PCSK4: variants seen among roughly 807,000 people sequenced by gnomAD.
The protein encoded by PCSK4 is testicular tissue protein Li 135.
In PCSK4, 64 loss-of-function variants were observed where a neutral mutation model predicts 80.3. That is an observed-to-expected ratio of 0.80 (90% CI 0.65 to 0.98). PCSK4 has a LOEUF of 0.98. Among genes scored for constraint, PCSK4 ranks in the 50% least tolerant of loss-of-function variants. The pLI is 0.00. For synonymous variants in PCSK4, 561 were observed against 487.6 expected (o/e 1.15, Z -1.98); for missense variants, 1,213 against 1,093.6 (o/e 1.11, Z -1.54).
Position 1,487,317 on chromosome 19 carries a change from C to T in PCSK4, c.683-4G>A, listed in dbSNP as rs749234132. The T allele has an allele frequency of 2.5e-6, 4 of 1,582,894 alleles. No homozygotes were observed. Among genetic ancestry groups the T allele is most frequent in the Admixed American group, 1.7e-5 (1 of 59,120 alleles). On this transcript the variant is annotated splice_polypyrimidine_tract_variant and splice_region_variant and intron_variant, in intron 6 of 14. Transcript: ENST00000300954. ...GTACCGTCCAGCATCCGTACGCCTG[C>T]AGAGCCAGGGCGGGAGGGCCGCTGC... is the stretch of plus-strand genomic sequence containing the variant.
At position 1,489,842 on chromosome 19, in the gene PCSK4, G is replaced by A. The variant is rs1244315586; in HGVS notation, c.245C>T (p.Ser82Phe). The A allele has an allele frequency of 2.8e-5, 45 of 1,611,112 alleles. No individual in the cohort carries two copies. Among genetic ancestry groups the A allele is most frequent in the Non-Finnish European group, 3.8e-5 (45 of 1,179,064 alleles). Residue 82 changes from serine to phenylalanine, a missense_variant, in exon 2 of 15, where the codon TCC (serine) becomes TTC (phenylalanine). Transcript: ENST00000300954. ...GCGGTGGCCCCAGTGCGGGGTCAGG[G>A]ACTGCTGGACCACGCCCCGGTGCCG...
intron 6 of PCSK4, 113 bp downstream of exon 6, chr19:1,487,490 G>A (rs1371569186): frequency 1.9e-6 from 2 of 1,054,704 alleles, no homozygotes; most frequent in African/African-American, 1.6e-5. Flanking sequence ...TGGGGCCCTA[G>A]CACCACCCAG....
At chr19:1,484,426 G>A (rs962057148) in intron 8 of PCSK4, among the ~76,000 whole-genome samples, 1 of 152,044 alleles carries the variant, frequency 6.6e-6, no homozygotes, top group Non-Finnish European at 1.5e-5. Context: ...GGCAGAGGTT[G>A]CAGTGAGCGG....
chr19:1,486,887 G>A lies in PCSK4; in HGVS notation c.1034C>T (p.Thr345Ile), dbSNP rs1429316271. ...GTCGGTGGCCACGCCGCTGCTGTAG[G>A]TGGTGGTGAGGGTGGAGGCGCAGGC... The change falls in exon 8 of 15, where the codon ACC becomes ATC. Residue 345 changes from threonine (T) to isoleucine (I), a missense_variant. Thr to Ile is a moderately conservative substitution (Grantham distance 89, BLOSUM62 -1). Transcript: ENST00000300954. 2 of 1,600,250 alleles carry A rather than the reference G, an allele frequency of 1.2e-6. No individual in the cohort carries two copies. The highest frequency in any genetic ancestry group is 1.7e-5 in the Admixed American group (1 of 59,976).
upstream of PCSK4, chr19:1,490,532 C>G: frequency 2.0e-6 from 1 of 505,774 alleles, no homozygotes; most frequent in Non-Finnish European, 3.5e-6. Flanking sequence ...GGGACGCACG[C>G]CTGCCCGTCT....
At chr19:1,490,298 C>A in exon 1 of PCSK4, 2 of 1,563,108 alleles carry the variant, frequency 1.3e-6, no homozygotes, top group Non-Finnish European at 8.7e-7. Flanking sequence ...CGGACAAGGG[C>A]CAGGGCCAAG....
At chr19:1,482,684 G>A (rs557635299) in intron 13 of PCSK4, 4 of 761,114 alleles carry the variant, frequency 5.3e-6, no homozygotes, top group Non-Finnish European at 8.4e-6. Flanking sequence ...CTGTCACTGG[G>A]CACCTACATC....
Position 1,487,800 on chromosome 19 carries a change from G to A in PCSK4, c.578C>T (p.Pro193Leu), listed in dbSNP as rs760242868. The A allele has an allele frequency of 3.2e-6, 5 of 1,577,410 alleles. No homozygotes were observed. The South Asian group carries it at 4.6e-5, about 15-fold the overall frequency. ...CCCTGCTCACCGGTTCTCTTTGCTG[G>A]GGGTGTAGCGGGGCTGGGGGTCCGG... Residue 193 changes from proline (P) to leucine (L), a missense_variant, in exon 5 of 15, where the codon CCC becomes CTC. Transcript: ENST00000300954.
At chr19:1,482,701 G>A (rs576170016) in intron 13 of PCSK4, 195 bp downstream of exon 13, 6 of 751,348 alleles carry the variant, frequency 8.0e-6, no homozygotes, top group Non-Finnish European at 1.3e-5. Flanking sequence ...CATCTCCCGT[G>A]TTACCGCACA....
chr19:1,482,933 G>C (rs202058018), exon 13 of PCSK4: 8 of 1,613,310 alleles, frequency 5.0e-6, no homozygotes, highest in Admixed American at 1.7e-5. Flanking sequence ...CTAGGCCCAG[G>C]GTCCACACGC....
At chr19:1,489,984 C>T in intron 1 of PCSK4, 87 bp from the exon 2 acceptor site, 1 of 1,533,440 alleles carries the variant, frequency 6.5e-7, no homozygotes, top group Non-Finnish European at 8.8e-7. Flanking sequence ...CCTTCTTTGT[C>T]CTTCCCCAGC....
At chr19:1,483,970 A>C in intron 9 of PCSK4, 29 bp from the exon 10 acceptor site, 1 of 1,426,718 alleles carries the variant, frequency 7.0e-7, no homozygotes, top group Non-Finnish European at 9.2e-7. Context: ...GGGGCGGGTG[A>C]GCCGCCGGGC....
At chr19:1,489,322 C>G (rs1420831485) in intron 2 of PCSK4, among the ~76,000 whole-genome samples, 2 of 152,112 alleles carry the variant, frequency 1.3e-5, no homozygotes, top group Non-Finnish European at 2.9e-5. Context: ...TCAGTAGAGA[C>G]AGGGTTTCAC....
At chr19:1,488,697 C>T (rs2084774125) in intron 2 of PCSK4, among the ~76,000 whole-genome samples, 1 of 152,082 alleles carries the variant, frequency 6.6e-6, no homozygotes, top group South Asian at 2.1e-4. Context: ...TCTCCTACCT[C>T]AGCCTCCCAA....
At chr19:1,489,203 C>T (rs1340970485) in intron 2 of PCSK4, among the ~76,000 whole-genome samples, 2 of 149,878 alleles carry the variant, frequency 1.3e-5, no homozygotes, top group East Asian at 3.9e-4. Context: ...GCGATCTCGG[C>T]TCACTGCAAG....
intron 8 of PCSK4, among the ~76,000 whole-genome samples, chr19:1,484,555 C>A (rs2084505227): frequency 6.7e-6 from 1 of 148,726 alleles, no homozygotes; most frequent in African/African-American, 2.5e-5. Context: ...CGGTGGCTCA[C>A]ACCTGTAATC....
At position 1,483,198 on chromosome 19, in the gene PCSK4, C is replaced by T. The variant is rs115553756; in HGVS notation, c.1571+86G>A. ...TGCCGTGTGACTCCTATGGGCCTGGCCCCTCCCCGTGAGGACACTCCGGGT... is the reference window on the plus strand; with the variant it reads ...TGCCGTGTGACTCCTATGGGCCTGGTCCCTCCCCGTGAGGACACTCCGGGT... On this transcript the variant is annotated intron_variant, in intron 12 of 14. Transcript: ENST00000300954. The T allele has an allele frequency of 3.0e-5, 41 of 1,366,522 alleles. No homozygotes were observed. The Admixed American group carries it at 7.0e-4, about 23-fold the overall frequency. 84.6% of individuals were successfully genotyped at this position (1,366,522 alleles called of 1,614,324 possible). A position where few individuals can be genotyped will look rare whatever the true frequency, so the allele number is the denominator to read the frequency against.
In PCSK4 at chr19:1,487,389, C is replaced by A. The variant is rs2084685372; in HGVS notation, c.683-76G>T. 3 of 1,244,304 alleles carry A rather than the reference C, an allele frequency of 2.4e-6. No homozygotes were observed. The Admixed American group carries it at 6.4e-5, about 27-fold the overall frequency. 77.1% of individuals were successfully genotyped at this position (1,244,304 alleles called of 1,614,324 possible). A position where few individuals can be genotyped will look rare whatever the true frequency, so the allele number is the denominator to read the frequency against. On this transcript the variant is annotated intron_variant, in intron 6 of 14. Transcript: ENST00000300954. ...CACCCCAGCCCGCCCCGCGCCACTC[C>A]ACACCACTCCCCAGCCCTACCTGGG...
At chr19:1,481,616 G>A (rs184247620) in exon 15 of PCSK4, 8 of 529,696 alleles carry the variant, frequency 1.5e-5, no homozygotes, top group African/African-American at 9.5e-5. Flanking sequence ...GCCAGGCTTC[G>A]GGGTTCCACG....
Sources: gnomAD v4.1 joint callset for allele counts (sites outside exome capture counted in the v4.1 genomes callset) on GRCh38, gnomAD v4.1.1 for gene constraint, MANE v1.5 for transcripts, NCBI Gene and HGNC (gene_info 2026-07-23, HGNC 2026-07-21) for gene names.